Variants in MAP4 observed in about 807,000 individuals in gnomAD.
MAP4 encodes microtubule associated protein 4.
In MAP4, 76 loss-of-function variants were observed where a neutral mutation model predicts 170.2. That is an observed-to-expected ratio of 0.45 (90% confidence interval 0.37 to 0.54). The LOEUF is 0.54. Among genes scored for constraint, MAP4 ranks in the 20% least tolerant of loss-of-function variants. The pLI, the probability that MAP4 is intolerant of heterozygous loss-of-function variation, is 0.00. For synonymous variants in MAP4, 909 were observed against 994.5 expected (o/e 0.91, Z 1.62); for missense variants, 2,506 against 2,748.0 (o/e 0.91, Z 1.97).
At chr3:47,927,878 T>C (rs1322741866) in intron 4 of MAP4, among the ~76,000 whole-genome samples, 1 of 152,232 alleles carries the variant, frequency 6.6e-6, no homozygotes, top group African/African-American at 2.4e-5. Context: ...ATAATGTGTA[T>C]ATAAAGGCTC....
intron 10 of MAP4, among the ~76,000 whole-genome samples, chr3:47,887,229 G>A (rs1415245204): frequency 4.6e-5 from 7 of 152,248 alleles, no homozygotes. Context: ...CAGGAACCGG[G>A]GCTGCGCGCA....
intron 8 of MAP4, among the ~76,000 whole-genome samples, chr3:47,913,383 T>C (rs898064886): frequency 6.6e-6 from 1 of 152,236 alleles, no homozygotes; most frequent in African/African-American, 2.4e-5. Context: ...CTTTGTTTAA[T>C]ATCTCAGGTT....
At chr3:47,908,523 T>C (rs1332383578) in intron 9 of MAP4, among the ~76,000 whole-genome samples, 1 of 152,208 alleles carries the variant, frequency 6.6e-6, no homozygotes, top group Non-Finnish European at 1.5e-5. Flanking sequence ...GAGGCCACCA[T>C]TTCCTCATAA....
intron 10 of MAP4, chr3:47,892,639 G>A (rs1006844023): frequency 6.4e-6 from 9 of 1,403,844 alleles, no homozygotes; most frequent in Middle Eastern, 2.6e-4. Context: ...TCCTCAAGCA[G>A]TTGAGTATTA....
intron 5 of MAP4, among the ~76,000 whole-genome samples, chr3:47,919,919 G>A (rs903287611): frequency 1.7e-5 from 1 of 60,022 alleles, no homozygotes; most frequent in East Asian, 3.8e-4. Context: ...TAGCAGTTTT[G>A]TTGTTGTTGT....
intron 3 of MAP4, among the ~76,000 whole-genome samples, chr3:47,945,827 T>A (rs2100059486): frequency 6.6e-6 from 1 of 151,720 alleles, no homozygotes; most frequent in Non-Finnish European, 1.5e-5. Flanking sequence ...TCAAGTGACC[T>A]CAGTCTCCCA....
Position 47,916,921 on chromosome 3 carries a change from T to A in MAP4, c.906A>T (p.Leu302=). The change falls in exon 7 of 21, where the codon CTA becomes CTT. Residue 302 remains leucine (L), a synonymous_variant. Transcript: ENST00000683076. ...MQPSMESDMA[L]VKDMELPTEK... is the part of the protein sequence containing the mutation. ...CTGTGGGTAGTTCCATGTCCTTGAC[T>A]AGGGCCATATCTGATTCCATGGATG... 6.2e-7 allele frequency: 1 copy of A among 1,614,228 alleles called. No individual in the cohort carries two copies. Among genetic ancestry groups the A allele is most frequent in the East Asian group, 2.2e-5 (1 of 44,882 alleles).
chr3:47,995,252 T>C (rs2100094764), intron 2 of MAP4, among the ~76,000 whole-genome samples: 1 of 23,256 alleles, frequency 4.3e-5, no homozygotes, highest in East Asian at 2.3e-3. Context: ...TTTCTTTTCT[T>C]TTTTTTTTTT....
rs533472929 is a variant in MAP4 at position 47,898,995 on chromosome 3, G to A, written c.5434+3955C>T. Among the ~76,000 whole-genome samples, 21 of 152,120 alleles carry A rather than the reference G, an allele frequency of 1.4e-4. No homozygotes were observed. In the South Asian group the frequency reaches 4.2e-3, roughly 30 times the overall value. On this transcript the variant is annotated intron_variant, in intron 10 of 20. Transcript: ENST00000683076. The stretch of plus-strand genomic sequence containing the variant: ...CAACCCACAGAACACCCTGAGAATG[G>A]CCAGTTCAGTACTCCAGTCCAAATA...
At chr3:48,020,995 G>T (rs1386160830), upstream of MAP4, among the ~76,000 whole-genome samples, 1 of 152,108 alleles carries the variant, frequency 6.6e-6, no homozygotes, top group African/African-American at 2.4e-5. Context: ...TGCAGTAAGG[G>T]TAATCATGAC....
intron 3 of MAP4, among the ~76,000 whole-genome samples, chr3:47,940,610 C>A (rs1232975091): frequency 6.6e-6 from 1 of 152,152 alleles, no homozygotes; most frequent in Non-Finnish European, 1.5e-5. Context: ...ACAGAAAAGG[C>A]ATATGGCTAA....
rs76830478 is a variant in MAP4, at chr3:47,955,141, G to A, written c.292+22724C>T. Among the ~76,000 whole-genome samples, 316 of 152,218 alleles carry A rather than the reference G, an allele frequency of 2.1e-3. 1 individual carries two copies. The highest frequency in any genetic ancestry group is 7.2e-3 in the African/African-American group (297 of 41,530). Reference sequence around the variant, plus strand: ...GGATCTTAGTGACTATCATAAACTCGTGGACTATCATAAACTTAATCTGGT... The same window carrying A: ...GGATCTTAGTGACTATCATAAACTCATGGACTATCATAAACTTAATCTGGT... On this transcript the variant is annotated intron_variant, in intron 3 of 20. Transcript: ENST00000683076.
chr3:48,013,303 T>TAA (rs374928259), intron 1 of MAP4, among the ~76,000 whole-genome samples: 24 of 148,040 alleles, frequency 1.6e-4, no homozygotes, highest in Admixed American at 1.6e-3. Context: ...GCATTTACTC[T>TAA]AAAAAAAAAA....
chr3:47,971,284 T>TATG (rs1471715595), intron 3 of MAP4, among the ~76,000 whole-genome samples: 7 of 152,352 alleles, frequency 4.6e-5, no homozygotes, highest in Middle Eastern at 6.8e-3. Context: ...ACTTGTGAGT[T>TATG]ATGATGCCAA....
At chr3:48,064,861 C>G (rs2100137599) in intron 1 of MAP4, among the ~76,000 whole-genome samples, 2 of 152,052 alleles carry the variant, frequency 1.3e-5, no homozygotes, top group African/African-American at 4.8e-5. Context: ...ATCTGTGTAT[C>G]TAAACATATC....
chr3:48,061,979 G>A (rs994168881), intron 1 of MAP4, among the ~76,000 whole-genome samples: 14 of 152,090 alleles, frequency 9.2e-5, no homozygotes, highest in South Asian at 2.1e-4. Context: ...CTGCCTGACC[G>A]CCACCCCGTC....
At chr3:48,072,121 C>T (rs1187242684) in intron 1 of MAP4, among the ~76,000 whole-genome samples, 1 of 152,072 alleles carries the variant, frequency 6.6e-6, no homozygotes, top group East Asian at 1.9e-4. Flanking sequence ...ATCACTTGAA[C>T]CCAGGAGGCG....
At chr3:47,858,068 G>A (rs1435267449) in intron 17 of MAP4, among the ~76,000 whole-genome samples, 2 of 143,206 alleles carry the variant, frequency 1.4e-5, no homozygotes, top group Non-Finnish European at 3.0e-5. Context: ...TTGTTGCCCA[G>A]GCTGGCACGA....
chr3:47,916,674 G>A lies in MAP4; in HGVS notation c.1153C>T (p.Pro385Ser). 1.9e-6 allele frequency: 3 copies of A among 1,614,082 alleles called. No homozygotes were observed. The highest frequency in any genetic ancestry group is 2.5e-6 in the Non-Finnish European group (3 of 1,179,998). Reference sequence around the variant, plus strand: ...GAAGGAGCCAAGTCCATTTTTATAGGAGATGCCCTCTCTGTTTCTTTCTTG... The same window carrying A: ...GAAGGAGCCAAGTCCATTTTTATAGAAGATGCCCTCTCTGTTTCTTTCTTG... ...ENKKETERAS[P>S]IKMDLAPSKD... is the part of the protein sequence containing the mutation. Residue 385 changes from proline (P) to serine (S), a missense_variant, in exon 7 of 21, where the codon CCT (proline) becomes TCT (serine). Pro to Ser is a moderately conservative substitution (Grantham distance 74). Transcript: ENST00000683076.
Sources: gnomAD v4.1 joint callset for allele counts (sites outside exome capture counted in the v4.1 genomes callset) on GRCh38, gnomAD v4.1.1 for gene constraint, MANE v1.5 for transcripts, NCBI Gene and HGNC (gene_info 2026-07-23, HGNC 2026-07-21) for gene names.